Variants in COL1A1 observed in about 807,000 individuals in gnomAD.
COL1A1 encodes collagen alpha-1(I) chain.
In COL1A1, 21 loss-of-function variants were observed where a neutral mutation model predicts 195.7. The observed-to-expected ratio is 0.11, with a 90% confidence interval of 0.08 to 0.15. The LOEUF (loss-of-function observed/expected upper bound fraction) is 0.15. Among genes scored for constraint, COL1A1 ranks in the 10% least tolerant of loss-of-function variants. The pLI is 1.00. For missense variants in COL1A1, 1,365 were observed against 2,051.0 expected (o/e 0.67, Z 6.46); for synonymous variants, 749 against 747.3 (o/e 1.00, Z -0.04).
intron 25 of COL1A1, 132 bp downstream of exon 25, chr17:50,193,811 C>T: frequency 1.2e-6 from 1 of 816,960 alleles, no homozygotes; most frequent in Non-Finnish European, 2.1e-6. Context: ...GATAGGGAGG[C>T]TGAGGTCCAG....
intron 11 of COL1A1, among the ~76,000 whole-genome samples, 154 bp downstream of exon 11, chr17:50,196,856 G>A (rs1907635891): frequency 6.6e-6 from 1 of 152,206 alleles, no homozygotes; most frequent in Admixed American, 6.5e-5. Context: ...TTCCCATGGA[G>A]GGAGGTGCTT....
intron 1 of COL1A1, 33 bp from the exon 2 acceptor site, chr17:50,199,980 G>C (rs756358393): frequency 1.9e-6 from 3 of 1,608,924 alleles, no homozygotes; most frequent in Non-Finnish European, 2.6e-6. Context: ...GTTGTCAGTA[G>C]TGACTGCAAC....
rs571411493 is a variant in COL1A1, at chr17:50,188,342, C to T, written c.3207+188G>A. On this transcript the variant is annotated intron_variant, in intron 43 of 50. Coordinates refer to ENST00000225964, the MANE Select transcript of COL1A1 (RefSeq NM_000088.4). This position sits in a 1 kb window ranked among gnomAD's most constrained non-coding sequence, Gnocchi z 5.6. ...GGGGCCAACTCATGGGAGAGGCGGT[C>T]CTGTCTGGGAGAGGGGACTTGGGGC... 5 of 813,612 alleles carry T rather than the reference C, an allele frequency of 6.1e-6. No individual in the cohort carries two copies. Among genetic ancestry groups the T allele is most frequent in the Non-Finnish European group, 1.9e-6 (1 of 515,066 alleles). The allele number at this position is 813,612 out of a possible 1,614,324, so 50.4% of individuals were successfully genotyped here.
chr17:50,200,205 T>C (rs943083171), intron 1 of COL1A1: 10 of 466,616 alleles, frequency 2.1e-5, no homozygotes, highest in Non-Finnish European at 2.8e-5. Context: ...GGCTTCCAAC[T>C]CCAACCTCAG....
At chr17:50,187,383 C>A (rs1207804193) in intron 46 of COL1A1, 101 bp downstream of exon 46, 2 of 1,216,914 alleles carry the variant, frequency 1.6e-6, no homozygotes, top group African/African-American at 1.5e-5. Context: ...GTCCCTGAAC[C>A]CTTCTCCAGA....
chr17:50,187,935 C>T lies in COL1A1; in HGVS notation c.3310G>A (p.Asp1104Asn), dbSNP rs766299619. The T allele has an allele frequency of 2.5e-5, 40 of 1,613,760 alleles. No individual in the cohort carries two copies. The highest frequency in any genetic ancestry group is 1.3e-4 in the Admixed American group (8 of 59,980). Residue 1104 changes from aspartate to asparagine, a missense_variant, in exon 45 of 51, where the codon GAC (aspartate) becomes AAC (asparagine). Physicochemically the swap from Asp to Asn is conservative, Grantham distance 23 (BLOSUM62 1). Transcript: ENST00000225964. ...GDKGETGEQG[D>N]RGIKGHRGFS... ...CCACGGTGACCCTTTATGCCTCTGT[C>T]GCCCTGTTCGCCTGTCTCACCCTTG... is the stretch of plus-strand genomic sequence containing the variant.
rs1906734299 is a variant in COL1A1, at chr17:50,188,289, C to T, written c.3208-140G>A. The T allele has an allele frequency of 4.2e-6, 4 of 941,934 alleles. No homozygotes were observed. The Admixed American group carries it at 8.3e-5, about 20-fold the overall frequency. 58.3% of individuals were successfully genotyped at this position (941,934 alleles called of 1,614,324 possible). A position where few individuals can be genotyped will look rare whatever the true frequency, so the allele number is the denominator to read the frequency against. ...CCATCTCTCCCAACTCCCAGGGAAA[C>T]CTCCCCACTGCAATCTTCACGGGAG... On this transcript the variant is annotated intron_variant, in intron 43 of 50. Coordinates refer to ENST00000225964, the MANE Select transcript of COL1A1 (RefSeq NM_000088.4). The surrounding 1 kb of genome is among the most constrained non-coding windows in gnomAD (Gnocchi z 5.6).
chr17:50,189,518 GC>G lies in COL1A1; in HGVS notation c.2687del (p.Gly896AlafsTer212). 6.2e-7 allele frequency: 1 copy of G among 1,613,656 alleles called. No homozygotes were observed. The highest frequency in any genetic ancestry group is 8.5e-7 in the Non-Finnish European group (1 of 1,179,874). ...CTTCTTTGCCAGCAGGACCAGGAGG[GC>G]CAGGGGGTCCAGCATTTCCCTGGAT... ...PGPSGNAGPP[G>X]PPGPAGKEGG... On this transcript the variant is annotated frameshift_variant, in exon 39 of 51. Coordinates refer to ENST00000225964, the MANE Select transcript of COL1A1 (RefSeq NM_000088.4). LOFTEE classifies it high-confidence loss of function. The surrounding 1 kb of genome is among the most constrained non-coding windows in gnomAD (Gnocchi z 5.5).
Position 50,191,408 on chromosome 17 carries a change from C to G in COL1A1, c.2210G>C (p.Gly737Ala), listed in dbSNP as rs72651651. The G allele has an allele frequency of 6.2e-7, 1 of 1,613,914 alleles. No homozygotes were observed. The highest frequency in any genetic ancestry group is 8.5e-7 in the Non-Finnish European group (1 of 1,179,952). ...TCTGTCACCCTTAGGCCCTGGAAGA[C>G]CAGCTGCACCACGTTCACCAGGCAT... The part of the protein sequence containing the change: ...QGMPGERGAA[G>A]LPGPKGDRGD... Residue 737 changes from glycine (G) to alanine (A), a missense_variant, in exon 32 of 51, where the codon GGT (glycine) becomes GCT (alanine). By Grantham distance (60) the Gly-to-Ala change is moderately conservative. Transcript: ENST00000225964.
rs936428628 is a variant in COL1A1, at chr17:50,199,920, C to T, written c.131G>A (p.Gly44Asp). 11 of 1,614,066 alleles carry T rather than the reference C, an allele frequency of 6.8e-6. No homozygotes were observed. Among genetic ancestry groups the T allele is most frequent in the Non-Finnish European group, 9.3e-6 (11 of 1,180,040 alleles). The change falls in exon 2 of 51, where the codon GGC becomes GAC. Residue 44 changes from glycine (G) to aspartate (D), a missense_variant. By Grantham distance (94) the Gly-to-Asp change is moderately conservative. Transcript: ENST00000225964. ...DIPPITCVQN[G>D]LRYHDRDVWK... ...CACGTCTCGGTCATGGTACCTGAGG[C>T]CGTTCTGTACGCAGGTGATTGGTGG...
At chr17:50,199,387 AG>A in intron 4 of COL1A1, 30 bp downstream of exon 4, 6 of 1,612,744 alleles carry the variant, frequency 3.7e-6, no homozygotes, top group Non-Finnish European at 5.1e-6. Context: ...GCCCACCTGC[AG>A]CCCCCCACAG....
At chr17:50,193,278 G>A (rs1170075905) in intron 25 of COL1A1, among the ~76,000 whole-genome samples, 3 of 152,094 alleles carry the variant, frequency 2.0e-5, no homozygotes. Context: ...GCCCGCTGTG[G>A]CCTGCACTGC....
rs886053161 is a variant in COL1A1, at chr17:50,192,659, G to C, written c.1910C>G (p.Ala637Gly). 3.7e-5 allele frequency: 59 copies of C among 1,614,130 alleles called. No individual in the cohort carries two copies. The East Asian group carries it at 1.3e-3, about 36-fold the overall frequency. The change falls in exon 28 of 51, where the codon GCT (alanine) becomes GGT (glycine). Residue 637 changes from alanine to glycine, a missense_variant. By Grantham distance (60) the Ala-to-Gly change is moderately conservative. Around this residue, in one of 5 missense-constraint regions of COL1A1, gnomAD observed 671 missense variants for 1,099.9 expected, o/e 0.61. Transcript: ENST00000225964. ...PAGERGEQGP[A>G]GSPGFQGLPG... ...CCTCACCTGGAATCCGGGGGAGCCA[G>C]CAGGGCCTTGTTCACCTCTCTCGCC...
In COL1A1 at chr17:50,194,036, G is replaced by A. The variant is rs578167693; in HGVS notation, c.1674C>T (p.Pro558=). The change falls in exon 25 of 51, where the codon CCC becomes CCT. Residue 558 remains proline, a synonymous_variant. Coordinates refer to ENST00000225964, the MANE Select transcript of COL1A1 (RefSeq NM_000088.4). This position sits in a 1 kb window ranked among gnomAD's most constrained non-coding sequence, Gnocchi z 6.8. ...GPDGKTGPPG[P]AGQDGRPGPP... is the part of the protein sequence containing the mutation. ...GTCCGGGGCGACCATCTTGACCGGC[G>A]GGACCCTAAGGATGGGAGGCACGAA... 3.0e-5 allele frequency: 48 copies of A among 1,613,832 alleles called. No homozygotes were observed. In the African/African-American group the frequency reaches 3.3e-4, roughly 11 times the overall value.
Position 50,197,207 on chromosome 17 carries a change from A to G in COL1A1, c.723T>C (p.Pro241=). The G allele has an allele frequency of 1.2e-6, 2 of 1,613,322 alleles. No homozygotes were observed. The highest frequency in any genetic ancestry group is 1.7e-5 in the Admixed American group (1 of 60,022). The change falls in exon 10 of 51, where the codon CCT becomes CCC. Residue 241 remains proline (P), a synonymous_variant. Transcript: ENST00000225964. ...DDGEAGKPGR[P]GERGPPGPQG... ...GAGGCCCAGGAGGCCCACGCTCACC[A>G]GGACGACCAGGTTTTCCAGCTTCCC...
Position 50,196,320 on chromosome 17 carries a change from G to A in COL1A1, c.951C>T (p.Gly317=). ...AGGGGCCAGGAGTACTTACAGCAGG[G>A]CCAGGGGCTCCAGGGCGACCTCTCT... ...PGERGRPGAP[G]PAGARGNDGA... The change falls in exon 14 of 51, where the codon GGC becomes GGT. Residue 317 remains glycine, a synonymous_variant. Transcript: ENST00000225964. The A allele has an allele frequency of 6.2e-7, 1 of 1,608,952 alleles. No individual in the cohort carries two copies.
At position 50,185,510 on chromosome 17, in the gene COL1A1, A is replaced by G. The variant is rs577626107; in HGVS notation, c.4387T>C (p.Phe1463Leu). 577 of 1,613,376 alleles carry G rather than the reference A, an allele frequency of 3.6e-4. 11 individuals carry two copies. In the South Asian group the frequency reaches 6.0e-3, roughly 17 times the overall value. Reference protein sequence around the residue: ...EFGFDVGPVCFL With the variant: ...EFGFDVGPVCLL ...GTTGGGATGGAGGGAGTTTACAGGA[A>G]GCAGACAGGGCCAACGTCGAAGCCG... The change falls in exon 51 of 51, where the codon TTC becomes CTC. Residue 1463 changes from phenylalanine (F) to leucine (L), a missense_variant. Around this residue, in one of 5 missense-constraint regions of COL1A1, gnomAD observed 273 missense variants for 338.6 expected, o/e 0.81. Coordinates refer to ENST00000225964, the MANE Select transcript of COL1A1 (RefSeq NM_000088.4).
Position 50,190,671 on chromosome 17 carries a change from T to C in COL1A1, c.2344-75A>G, listed in dbSNP as rs1906998249. On this transcript the variant is annotated intron_variant, in intron 33 of 50. Coordinates refer to ENST00000225964, the MANE Select transcript of COL1A1 (RefSeq NM_000088.4). This position sits in a 1 kb window ranked among gnomAD's most constrained non-coding sequence, Gnocchi z 4.7. ...CCTAGTAGATGACCCCAGGAGAGCC[T>C]CCCCTCCTTCTGGTCCCTCCAGGTT... 2.6e-6 allele frequency: 4 copies of C among 1,542,126 alleles called. No individual in the cohort carries two copies. The Admixed American group carries it at 5.1e-5, about 20-fold the overall frequency.
chr17:50,189,574 G>C lies in COL1A1; in HGVS notation c.2668-36C>G. On this transcript the variant is annotated intron_variant, in intron 38 of 50. Transcript: ENST00000225964. The surrounding 1 kb of genome is among the most constrained non-coding windows in gnomAD (Gnocchi z 5.5). ...ATAGGAGGGGCTGTCAGACTCCAGG[G>C]GGCTCTGGTGCATCATTGGGTCCTC... is the stretch of plus-strand genomic sequence containing the variant. 6.2e-7 allele frequency: 1 copy of C among 1,612,992 alleles called. No homozygotes were observed.
Sources: allele counts gnomAD v4.1 joint callset (sites outside exome capture counted in the v4.1 genomes callset), GRCh38; gene constraint gnomAD v4.1.1; regional missense constraint gnomAD v4.1.1; non-coding constraint Gnocchi (gnomAD v3.1); transcripts MANE v1.5; gene names NCBI Gene and HGNC (gene_info 2026-07-23, HGNC 2026-07-21).